The following AKAP9 variants were observed in gnomAD, a reference collection of about 807,000 sequenced individuals.
AKAP9 encodes A-kinase anchoring protein 9.
A neutral mutation model predicts 488.5 loss-of-function variants in AKAP9; 311 were observed. The observed-to-expected ratio is 0.64, with a 90% CI of 0.58 to 0.70. The LOEUF is 0.70. Among genes scored for constraint, AKAP9 ranks in the 30% least tolerant of loss-of-function variants. The pLI, the probability that AKAP9 is intolerant of heterozygous loss-of-function variation, is 0.00. For synonymous variants in AKAP9, 1,462 were observed against 1,483.5 expected (o/e 0.99, Z 0.33); for missense variants, 4,215 against 4,374.5 (o/e 0.96, Z 1.03).
At chr7:92,104,351 C>T (rs4464887) in intron 46 of AKAP9, among the ~76,000 whole-genome samples, 51,116 of 151,440 alleles carry the variant, frequency 0.34, 9,096 homozygotes, top group Middle Eastern at 0.39. Context: ...CCACCACACC[C>T]GGCTAATTTT....
chr7:92,035,275 A>G (rs1475890472), intron 16 of AKAP9, among the ~76,000 whole-genome samples: 2 of 152,174 alleles, frequency 1.3e-5, no homozygotes, highest in African/African-American at 4.8e-5. Context: ...ATAGCTTCCC[A>G]TGGTTAACTT....
rs778748039 is a variant in AKAP9 at position 92,102,570 on chromosome 7, CAT to C, written c.11098-23_11098-22del. ...GGTGAATGTTTTCTTAATGTCTTTACATTCTTCTCTTCCCTAAATATAGAGAA... is the reference window on the plus strand; with the variant it reads ...GGTGAATGTTTTCTTAATGTCTTTACTCTTCTCTTCCCTAAATATAGAGAA... On this transcript the variant is annotated intron_variant, in intron 45 of 49. Transcript: ENST00000356239. 2.5e-6 allele frequency: 4 copies of C among 1,601,638 alleles called. No individual in the cohort carries two copies. In the South Asian group the frequency reaches 4.4e-5, roughly 18 times the overall value.
chr7:92,008,109 C>T (rs760878023), intron 8 of AKAP9, among the ~76,000 whole-genome samples: 3 of 152,302 alleles, frequency 2.0e-5, no homozygotes, highest in Non-Finnish European at 2.9e-5. Context: ...GTGGCTCACA[C>T]CTGTAATCCC....
Position 92,052,606 on chromosome 7 carries a change from T to C in AKAP9, c.5369-120T>C, listed in dbSNP as rs150136711. 44 of 666,988 alleles carry C rather than the reference T, an allele frequency of 6.6e-5. No individual in the cohort carries two copies. The East Asian group carries it at 1.2e-3, about 19-fold the overall frequency. The allele number at this position is 666,988 out of a possible 1,614,324, so 41.3% of individuals were successfully genotyped here. ...GCATATTTTATTTGTTTGGTTGCAA[T>C]ATTGTTTTAAAAGACCTTACAATTT... On this transcript the variant is annotated intron_variant, in intron 21 of 49. Coordinates refer to ENST00000356239, the MANE Select transcript of AKAP9 (RefSeq NM_005751.5).
At chr7:92,019,203 G>A (rs1237154330) in intron 12 of AKAP9, among the ~76,000 whole-genome samples, 3 of 151,310 alleles carry the variant, frequency 2.0e-5, no homozygotes, top group Admixed American at 2.0e-4. Flanking sequence ...GTACAGTGGC[G>A]TGATCTCGGC....
intron 1 of AKAP9, among the ~76,000 whole-genome samples, chr7:91,955,045 C>T (rs1584558141): frequency 3.9e-5 from 6 of 152,128 alleles, no homozygotes. Context: ...GTATGACACA[C>T]TCATTTTAGA....
chr7:91,947,656 A>G (rs1584522477), intron 1 of AKAP9, among the ~76,000 whole-genome samples: 3 of 152,310 alleles, frequency 2.0e-5, no homozygotes, highest in East Asian at 1.9e-4. Context: ...ATTTATTTAA[A>G]TGATCACAAA....
intron 1 of AKAP9, among the ~76,000 whole-genome samples, chr7:91,964,610 TAGAA>T (rs1056496121): frequency 1.6e-4 from 24 of 152,200 alleles, no homozygotes; most frequent in Admixed American, 3.9e-4. Flanking sequence ...AATAAAAAAA[TAGAA>T]AGAGAAAAAC....
Position 92,102,578 on chromosome 7 carries a change from T to C in AKAP9, c.11098-16T>C. The stretch of plus-strand genomic sequence containing the variant: ...TTTTCTTAATGTCTTTACATTCTTC[T>C]CTTCCCTAAATATAGAGAATTTATG... On this transcript the variant is annotated splice_polypyrimidine_tract_variant and intron_variant, in intron 45 of 49. Transcript: ENST00000356239. 6.2e-7 allele frequency: 1 copy of C among 1,607,862 alleles called. No homozygotes were observed. Among genetic ancestry groups the C allele is most frequent in the Non-Finnish European group, 8.5e-7 (1 of 1,174,280 alleles).
rs1816923102 is a variant in AKAP9 at position 92,098,120 on chromosome 7, A to T, written c.10619A>T (p.Glu3540Val). 6.2e-7 allele frequency: 1 copy of T among 1,608,558 alleles called. No homozygotes were observed. The highest frequency in any genetic ancestry group is 1.3e-5 in the African/African-American group (1 of 74,810). ...TCTTTTTCTTGAAGACTACAGTTTGAAACAGCAGATGATGAAGATTTCATT... is the reference window on the plus strand; with the variant it reads ...TCTTTTTCTTGAAGACTACAGTTTGTAACAGCAGATGATGAAGATTTCATT... ...PQKASERLQF[E>V]TADDEDFIWV... Residue 3540 changes from glutamate (E) to valine (V), a missense_variant, in exon 43 of 50, where the codon GAA (glutamate) becomes GTA (valine). Transcript: ENST00000356239.
chr7:91,992,953 G>C lies in AKAP9; in HGVS notation c.474G>C (p.Glu158Asp). Residue 158 changes from glutamate (E) to aspartate (D), a missense_variant, in exon 5 of 50, where the codon GAG becomes GAC. Transcript: ENST00000356239. ...CACAAGACAGTCCGACTCATCTAGAGATGATGGAAAGTGAGTTGGCTGGGA... is the reference window on the plus strand; with the variant it reads ...CACAAGACAGTCCGACTCATCTAGACATGATGGAAAGTGAGTTGGCTGGGA... ...QGAQDSPTHLEMMESELAGKQ... is the reference protein window; with the variant it reads ...QGAQDSPTHLDMMESELAGKQ... 7.4e-6 allele frequency: 12 copies of C among 1,614,114 alleles called. No homozygotes were observed. Among genetic ancestry groups the C allele is most frequent in the Non-Finnish European group, 1.0e-5 (12 of 1,179,984 alleles).
At chr7:92,087,987 G>A (rs983995500) in intron 37 of AKAP9, among the ~76,000 whole-genome samples, 1 of 151,990 alleles carries the variant, frequency 6.6e-6, no homozygotes, top group Admixed American at 6.6e-5. Context: ...AAACACTGTA[G>A]TGTTAAATCA....
At chr7:91,966,054 ATTAT>A (rs1373387237) in intron 1 of AKAP9, among the ~76,000 whole-genome samples, 6 of 152,008 alleles carry the variant, frequency 3.9e-5, no homozygotes, top group Non-Finnish European at 1.5e-5. Flanking sequence ...CATTTTTTAA[ATTAT>A]TTATTTTTTG....
At chr7:91,949,105 A>G (rs189840921) in intron 1 of AKAP9, among the ~76,000 whole-genome samples, 34 of 151,890 alleles carry the variant, frequency 2.2e-4, no homozygotes, top group African/African-American at 7.5e-4. Flanking sequence ...CCCATTTTTT[A>G]ATTGGGTTGT....
At chr7:92,031,365 T>C (rs1320313234) in intron 15 of AKAP9, 147 bp from the exon 16 acceptor site, 4 of 606,350 alleles carry the variant, frequency 6.6e-6, no homozygotes, top group Non-Finnish European at 1.2e-5. Flanking sequence ...TATTTTTAAT[T>C]GAGAGAATTA....
chr7:92,079,084 T>G lies in AKAP9; in HGVS notation c.6951T>G (p.Ile2317Met). ...QLKITTDNKVIEEKNELIRDL... is the reference protein window; with the variant it reads ...QLKITTDNKVMEEKNELIRDL... ...CCTTTTTCATTAATTATTAGGTTAT[T>G]GAAGAAAAAAATGAACTGATAAGGG... The change falls in exon 31 of 50, where the codon ATT becomes ATG. Residue 2317 changes from isoleucine to methionine, a missense_variant. Coordinates refer to ENST00000356239, the MANE Select transcript of AKAP9 (RefSeq NM_005751.5). 1 of 1,598,068 alleles carries G rather than the reference T, an allele frequency of 6.3e-7. No homozygotes were observed. Among genetic ancestry groups the G allele is most frequent in the Non-Finnish European group, 8.5e-7 (1 of 1,172,256 alleles).
intron 43 of AKAP9, among the ~76,000 whole-genome samples, chr7:92,098,831 G>A (rs774707353): frequency 2.0e-5 from 3 of 152,118 alleles, no homozygotes; most frequent in African/African-American, 7.2e-5. Context: ...TGCCAGATAG[G>A]TTCTGGAGAT....
At chr7:92,089,014 G>T (rs897150399) in intron 37 of AKAP9, among the ~76,000 whole-genome samples, 27 of 152,072 alleles carry the variant, frequency 1.8e-4, no homozygotes, top group African/African-American at 4.8e-5. Flanking sequence ...AAAAATTCAA[G>T]GTCATGAAAG....
chr7:92,093,135 A>G lies in AKAP9; in HGVS notation c.9397A>G (p.Met3133Val), dbSNP rs778484202. 7.4e-6 allele frequency: 12 copies of G among 1,614,182 alleles called. No homozygotes were observed. In the East Asian group the frequency reaches 2.7e-4, roughly 36 times the overall value. Residue 3133 changes from methionine to valine, a missense_variant, in exon 39 of 50, where the codon ATG becomes GTG. Physicochemically the swap from Met to Val is conservative, Grantham distance 21 (BLOSUM62 1). Coordinates refer to ENST00000356239, the MANE Select transcript of AKAP9 (RefSeq NM_005751.5). ...EYNIQQKQSQMLEMQVELSSM... is the reference protein window; with the variant it reads ...EYNIQQKQSQVLEMQVELSSM... ...TAATATACAGCAGAAGCAGTCTCAAATGCTGGAGATGCAAGTGGAGCTCAG... is the reference window on the plus strand; with the variant it reads ...TAATATACAGCAGAAGCAGTCTCAAGTGCTGGAGATGCAAGTGGAGCTCAG...
Sources: allele counts gnomAD v4.1 joint callset (sites outside exome capture counted in the v4.1 genomes callset), GRCh38; gene constraint gnomAD v4.1.1; transcripts MANE v1.5; gene names NCBI Gene and HGNC (gene_info 2026-07-23, HGNC 2026-07-21).